GNAQ: variants seen among roughly 807,000 people sequenced by gnomAD.
The protein encoded by GNAQ is G protein subunit alpha q.
Under a neutral mutation model 43.9 loss-of-function variants are expected in GNAQ, and 8 were observed. The observed-to-expected ratio is 0.18, with a 90% confidence interval of 0.11 to 0.33. The LOEUF (loss-of-function observed/expected upper bound fraction) is 0.33, where lower values mean the gene tolerates loss of function less well. Among genes scored for constraint, GNAQ ranks in the 10% least tolerant of loss-of-function variants. The probability of loss-of-function intolerance (pLI) is 1.00; values close to 1 mark genes in which losing one functional copy is unlikely to be tolerated. For missense variants in GNAQ, 158 were observed against 450.8 expected (o/e 0.35, Z 5.88); for synonymous variants, 155 against 170.7 (o/e 0.91, Z 0.71).
At chr9:77,837,468 C>T (rs1157613501) in intron 2 of GNAQ, among the ~76,000 whole-genome samples, 3 of 152,076 alleles carry the variant, frequency 2.0e-5, no homozygotes. Context: ...GCAGGAGAAT[C>T]GCCCGAATCC....
intron 2 of GNAQ, among the ~76,000 whole-genome samples, chr9:77,892,068 A>G (rs1399598050): frequency 2.6e-5 from 4 of 152,248 alleles, no homozygotes; most frequent in African/African-American, 7.2e-5. Flanking sequence ...ATAGGTCTTG[A>G]GCAGCAAATT....
At chr9:77,834,628 T>A (rs75453383) in intron 2 of GNAQ, among the ~76,000 whole-genome samples, 4 of 152,202 alleles carry the variant, frequency 2.6e-5, no homozygotes, top group African/African-American at 9.7e-5. Flanking sequence ...AAGCCTTGCC[T>A]GCAGTTGTTT....
chr9:77,810,215 TATC>T (rs1826897138), intron 3 of GNAQ, among the ~76,000 whole-genome samples: 1 of 30,558 alleles, frequency 3.3e-5, no homozygotes, highest in Non-Finnish European at 6.2e-5. Context: ...ATCATCTATC[TATC>T]TATCTATCTA....
intron 2 of GNAQ, among the ~76,000 whole-genome samples, chr9:77,876,625 C>T (rs1212327578): frequency 1.3e-5 from 2 of 152,162 alleles, no homozygotes; most frequent in Non-Finnish European, 2.9e-5. Context: ...AAGGGATTTG[C>T]TTCCTAGGTG....
At chr9:77,906,235 A>G (rs1828706650) in intron 2 of GNAQ, among the ~76,000 whole-genome samples, 1 of 152,250 alleles carries the variant, frequency 6.6e-6, no homozygotes, top group African/African-American at 2.4e-5. Flanking sequence ...AATATAGAGG[A>G]AATTTTACAG....
chr9:77,890,891 A>G (rs184416522), intron 2 of GNAQ, among the ~76,000 whole-genome samples: 37 of 152,304 alleles, frequency 2.4e-4, no homozygotes, highest in African/African-American at 8.7e-4. Context: ...TCATGCCTAC[A>G]ATCCCAGTAG....
chr9:77,945,251 TATTTGCCAGCTTTGAAAATGTAGC>T (rs1822871766), intron 1 of GNAQ, among the ~76,000 whole-genome samples: 1 of 152,186 alleles, frequency 6.6e-6, no homozygotes, highest in South Asian at 2.1e-4. Flanking sequence ...GAGGTAAATC[TATTTGCCAGCTTTGAAAATGTAGC>T]ACTTGAAACA....
At chr9:77,890,262 A>C (rs1029134139) in intron 2 of GNAQ, among the ~76,000 whole-genome samples, 3 of 152,194 alleles carry the variant, frequency 2.0e-5, no homozygotes, top group African/African-American at 7.2e-5. Context: ...GACCCCTAAA[A>C]AACTTGAGAG....
In GNAQ at chr9:77,718,166, A is replaced by T. The variant is rs1825253193; in HGVS notation, c.*3157T>A. 1 of 232,756 alleles carries T rather than the reference A, an allele frequency of 4.3e-6. No homozygotes were observed. The highest frequency in any genetic ancestry group is 8.5e-6 in the Non-Finnish European group (1 of 117,804). The allele number at this position is 232,756 out of a possible 1,614,324, so 14.4% of individuals were successfully genotyped here. A position where few individuals can be genotyped will look rare whatever the true frequency, so the allele number is the denominator to read the frequency against. ...TTTTATGTTTTTGTTTTTGAATAAGACATGCCCAAGTCACCATAAAACTCA... is the reference window on the plus strand; with the variant it reads ...TTTTATGTTTTTGTTTTTGAATAAGTCATGCCCAAGTCACCATAAAACTCA... On this transcript the variant is annotated 3_prime_UTR_variant, in exon 7 of 7. Coordinates refer to ENST00000286548, the MANE Select transcript of GNAQ (RefSeq NM_002072.5).
chr9:77,885,387 G>T (rs1828285665), intron 2 of GNAQ, among the ~76,000 whole-genome samples: 1 of 152,206 alleles, frequency 6.6e-6, no homozygotes, highest in South Asian at 2.1e-4. Flanking sequence ...TTGCTGAAAA[G>T]TGAGGGTAGT....
At chr9:77,942,346 T>C (rs1169459201) in intron 1 of GNAQ, among the ~76,000 whole-genome samples, 4 of 152,114 alleles carry the variant, frequency 2.6e-5, no homozygotes, top group South Asian at 2.1e-4. Flanking sequence ...ATGAAGGAAT[T>C]TGAATATTAT....
At chr9:77,752,129 C>T (rs1377701798) in intron 5 of GNAQ, among the ~76,000 whole-genome samples, 1 of 152,210 alleles carries the variant, frequency 6.6e-6, no homozygotes, top group Non-Finnish European at 1.5e-5. Flanking sequence ...TTAAGTTAAT[C>T]ACTCTGACAA....
chr9:77,816,386 A>T (rs1827015717), intron 2 of GNAQ, among the ~76,000 whole-genome samples: 2 of 152,180 alleles, frequency 1.3e-5, no homozygotes, highest in Admixed American at 1.3e-4. Flanking sequence ...TATCTGCCTT[A>T]TCTATATTAC....
chr9:77,785,956 T>C (rs1317665751), intron 5 of GNAQ, among the ~76,000 whole-genome samples: 1 of 152,120 alleles, frequency 6.6e-6, no homozygotes, highest in Non-Finnish European at 1.5e-5. Flanking sequence ...TAACTAGTGA[T>C]TTGATAACTT....
chr9:77,962,915 A>C (rs965608138), intron 1 of GNAQ, among the ~76,000 whole-genome samples: 5 of 149,140 alleles, frequency 3.4e-5, no homozygotes, highest in African/African-American at 7.4e-5. Flanking sequence ...AAAAAAAAAA[A>C]CAGTGCATGG....
intron 1 of GNAQ, among the ~76,000 whole-genome samples, chr9:77,936,162 G>T (rs572552534): frequency 6.6e-6 from 1 of 152,278 alleles, no homozygotes; most frequent in Admixed American, 6.5e-5. Context: ...ACGAGGAAGT[G>T]AAACCAATTT....
chr9:77,800,558 C>T (rs1826726752), intron 3 of GNAQ, among the ~76,000 whole-genome samples: 2 of 152,104 alleles, frequency 1.3e-5, no homozygotes, highest in East Asian at 1.9e-4. Flanking sequence ...GAACATCACA[C>T]TCTGGGGACT....
chr9:77,757,826 T>A (rs779746057), intron 5 of GNAQ, among the ~76,000 whole-genome samples: 1 of 152,234 alleles, frequency 6.6e-6, no homozygotes, highest in Non-Finnish European at 1.5e-5. Context: ...AGCAGTCCAA[T>A]ATCTAGTTCT....
chr9:77,751,803 C>CA (rs2118294845), intron 5 of GNAQ, among the ~76,000 whole-genome samples: 1 of 152,046 alleles, frequency 6.6e-6, no homozygotes, highest in Admixed American at 6.5e-5. Flanking sequence ...AACAAACAAA[C>CA]AAACAAACAA....
Sources: allele counts gnomAD v4.1 joint callset (sites outside exome capture counted in the v4.1 genomes callset), GRCh38; gene constraint gnomAD v4.1.1; transcripts MANE v1.5; gene names NCBI Gene and HGNC (gene_info 2026-07-23, HGNC 2026-07-21).